The following TANGO6 variants were observed in gnomAD, a reference collection of about 807,000 sequenced individuals.
TANGO6 encodes transport and Golgi organization protein 6 homolog.
A neutral mutation model predicts 114.2 loss-of-function variants in TANGO6; 90 were observed. The observed-to-expected ratio is 0.79, with a 90% CI of 0.66 to 0.94. TANGO6 has a LOEUF of 0.94. TANGO6 is among the 40% of genes least tolerant of loss of function. TANGO6 has a pLI of 0.00. For synonymous variants in TANGO6, 477 were observed against 509.8 expected (o/e 0.94, Z 0.87); for missense variants, 1,274 against 1,315.3 (o/e 0.97, Z 0.49).
In TANGO6 at chr16:68,947,445, T is replaced by G. The variant is rs567644108; in HGVS notation, c.2701+17150T>G. On this transcript the variant is annotated intron_variant, in intron 14 of 17. Transcript: ENST00000261778. ...CTCCAGCCTGGCGACAGAGTAAGACTCCGTCTCAAAAAAAAAATTAAAAAG... is the reference window on the plus strand; with the variant it reads ...CTCCAGCCTGGCGACAGAGTAAGACGCCGTCTCAAAAAAAAAATTAAAAAG... Among the ~76,000 whole-genome samples the G allele has an allele frequency of 2.6e-5, 4 of 151,686 alleles. No individual in the cohort carries two copies. In the South Asian group the frequency reaches 8.3e-4, roughly 32 times the overall value.
intron 16 of TANGO6, among the ~76,000 whole-genome samples, chr16:69,036,338 A>G (rs1959686737): frequency 1.3e-5 from 2 of 152,274 alleles, no homozygotes; most frequent in South Asian, 4.1e-4. Flanking sequence ...CTTGACCTGA[A>G]CTGAAGACTG....
intron 14 of TANGO6, among the ~76,000 whole-genome samples, chr16:68,971,310 C>T (rs1459488962): frequency 6.6e-6 from 1 of 152,130 alleles, no homozygotes; most frequent in African/African-American, 2.4e-5. Context: ...ACCTCACTGT[C>T]ACCCAGCTGG....
intron 17 of TANGO6, among the ~76,000 whole-genome samples, chr16:69,082,383 C>T (rs1041786182): frequency 2.6e-5 from 4 of 152,228 alleles, no homozygotes; most frequent in East Asian, 3.9e-4. Flanking sequence ...GGATTACAGG[C>T]ATGAGCCACC....
intron 11 of TANGO6, among the ~76,000 whole-genome samples, chr16:68,913,539 G>C (rs763409805): frequency 1.2e-4 from 18 of 150,458 alleles, no homozygotes; most frequent in Admixed American, 5.3e-4. Flanking sequence ...CTCCCGAGTA[G>C]CTAGGATTAT....
chr16:68,913,087 A>AG (rs1962947879), intron 11 of TANGO6, among the ~76,000 whole-genome samples: 1 of 151,558 alleles, frequency 6.6e-6, no homozygotes, highest in African/African-American at 2.4e-5. Flanking sequence ...AAAAAAAAAA[A>AG]AAAACAGGGT....
chr16:69,003,363 G>A (rs1964062431), intron 15 of TANGO6, among the ~76,000 whole-genome samples: 1 of 152,116 alleles, frequency 6.6e-6, no homozygotes, highest in Non-Finnish European at 1.5e-5. Context: ...CAAATCAAAA[G>A]GAATTCATTC....
intron 17 of TANGO6, among the ~76,000 whole-genome samples, chr16:69,040,985 G>A (rs1184514566): frequency 6.6e-6 from 1 of 152,038 alleles, no homozygotes; most frequent in Non-Finnish European, 1.5e-5. Flanking sequence ...TGTGTGCTGA[G>A]AATGAGCGAC....
intron 16 of TANGO6, among the ~76,000 whole-genome samples, chr16:69,025,136 C>A (rs1012042354): frequency 6.6e-6 from 1 of 152,240 alleles, no homozygotes. Flanking sequence ...GCTGGGAATG[C>A]CCGACCCTGG....
At chr16:68,993,109 A>G (rs1304842104) in intron 15 of TANGO6, among the ~76,000 whole-genome samples, 1 of 152,154 alleles carries the variant, frequency 6.6e-6, no homozygotes, top group Non-Finnish European at 1.5e-5. Flanking sequence ...TATCTTTTAT[A>G]ATTAGATCTC....
intron 15 of TANGO6, among the ~76,000 whole-genome samples, chr16:68,995,440 T>C (rs1567555370): frequency 6.6e-6 from 1 of 152,190 alleles, no homozygotes; most frequent in Non-Finnish European, 1.5e-5. Flanking sequence ...GACCAGAAGA[T>C]GGCTTTGGCT....
chr16:68,890,677 G>T (rs944866543), intron 7 of TANGO6, among the ~76,000 whole-genome samples: 1 of 152,148 alleles, frequency 6.6e-6, no homozygotes, highest in Non-Finnish European at 1.5e-5. Flanking sequence ...TTGAGGTCAG[G>T]AGTTCAAGAC....
chr16:68,885,773 T>G (rs1962531442), intron 7 of TANGO6: 1 of 152,266 alleles, frequency 6.6e-6, no homozygotes, highest in Admixed American at 6.5e-5. Flanking sequence ...CACATTTTAC[T>G]TATCTGTTCA....
chr16:69,038,143 G>C (rs1959719578), intron 16 of TANGO6, among the ~76,000 whole-genome samples: 1 of 152,118 alleles, frequency 6.6e-6, no homozygotes, highest in South Asian at 2.1e-4. Flanking sequence ...AAAAGTATGT[G>C]AGAGGCCAGG....
At position 68,930,950 on chromosome 16, in the gene TANGO6, A is replaced by G. The variant is rs1021456167; in HGVS notation, c.2701+655A>G. Among the ~76,000 whole-genome samples, 6 of 152,116 alleles carry G rather than the reference A, an allele frequency of 3.9e-5. 1 individual carries two copies. The highest frequency in any genetic ancestry group is 1.3e-4 in the Admixed American group (2 of 15,274). On this transcript the variant is annotated intron_variant, in intron 14 of 17. Transcript: ENST00000261778. ...CCACGCCCAGCCTCAACTACTGTCT[A>G]TATGCACCTTTGCTCTCTCGTTAAG...
At chr16:69,032,299 G>A (rs995720692) in intron 16 of TANGO6, among the ~76,000 whole-genome samples, 4 of 151,686 alleles carry the variant, frequency 2.6e-5, no homozygotes, top group South Asian at 4.2e-4. Context: ...AGAGCCTCGC[G>A]CTGTCGCCCA....
chr16:68,989,425 AT>A (rs912025136), intron 15 of TANGO6, among the ~76,000 whole-genome samples: 1 of 149,818 alleles, frequency 6.7e-6, no homozygotes, highest in African/African-American at 2.5e-5. Context: ...TGAATATTTT[AT>A]TTTCGATATT....
At chr16:69,072,743 G>A (rs1039289934) in intron 17 of TANGO6, among the ~76,000 whole-genome samples, 3 of 152,134 alleles carry the variant, frequency 2.0e-5, no homozygotes, top group Non-Finnish European at 2.9e-5. Context: ...TGATAACAGG[G>A]AGCTCAGCAC....
chr16:68,869,959 G>C (rs866786877), intron 4 of TANGO6, among the ~76,000 whole-genome samples: 1 of 152,308 alleles, frequency 6.6e-6, no homozygotes, highest in South Asian at 2.1e-4. Flanking sequence ...GGCCACCTCA[G>C]GGAGGCCTGA....
intron 17 of TANGO6, among the ~76,000 whole-genome samples, chr16:69,040,684 C>T (rs1454003233): frequency 6.6e-6 from 1 of 152,118 alleles, no homozygotes; most frequent in East Asian, 1.9e-4. Context: ...TGAATCCTGG[C>T]ATTGTCCTCA....
Sources: gnomAD v4.1 joint callset for allele counts (sites outside exome capture counted in the v4.1 genomes callset) on GRCh38, gnomAD v4.1.1 for gene constraint, MANE v1.5 for transcripts, NCBI Gene and HGNC (gene_info 2026-07-23, HGNC 2026-07-21) for gene names.